Variants in RALGAPA2 observed in about 807,000 individuals in gnomAD.
The protein encoded by RALGAPA2 is Ral GTPase activating protein catalytic subunit alpha 2.
In RALGAPA2, 139 loss-of-function variants were observed where a neutral mutation model predicts 230.4. That is an observed-to-expected ratio of 0.60 (90% CI 0.53 to 0.69). The LOEUF (loss-of-function observed/expected upper bound fraction) is 0.69, where lower values mean the gene tolerates loss of function less well. RALGAPA2 is among the 30% of genes least tolerant of loss of function. The probability of loss-of-function intolerance (pLI) is 0.00; values close to 1 mark genes in which losing one functional copy is unlikely to be tolerated. For missense variants in RALGAPA2, 2,163 were observed against 2,276.0 expected (o/e 0.95, Z 1.01); for synonymous variants, 847 against 837.8 (o/e 1.01, Z -0.19).
intron 4 of RALGAPA2, among the ~76,000 whole-genome samples, chr20:20,648,804 C>CA (rs1238963836): frequency 6.6e-6 from 1 of 152,062 alleles, no homozygotes; most frequent in Non-Finnish European, 1.5e-5. Flanking sequence ...GTAAAAGGGA[C>CA]AGAGGTTTCC....
chr20:20,434,714 T>C (rs1293881297), intron 37 of RALGAPA2, among the ~76,000 whole-genome samples: 1 of 152,074 alleles, frequency 6.6e-6, no homozygotes, highest in Non-Finnish European at 1.5e-5. Flanking sequence ...TGCAGGAGTA[T>C]ATTTTGAACC....
chr20:20,620,211 C>T (rs567497900), intron 11 of RALGAPA2, among the ~76,000 whole-genome samples: 33 of 152,306 alleles, frequency 2.2e-4, no homozygotes, highest in Admixed American at 6.5e-4. Flanking sequence ...TCTCCTGCAA[C>T]AGTGACCAAC....
chr20:20,568,024 T>C (rs1267233033), intron 23 of RALGAPA2, among the ~76,000 whole-genome samples: 1 of 151,930 alleles, frequency 6.6e-6, no homozygotes, highest in African/African-American at 2.4e-5. Context: ...AAGAAATAAA[T>C]ACTCCTAAGC....
intron 10 of RALGAPA2, among the ~76,000 whole-genome samples, chr20:20,624,249 C>A (rs2066416578): frequency 2.0e-5 from 3 of 150,898 alleles, no homozygotes; most frequent in Admixed American, 2.0e-4. Flanking sequence ...ATCACTTGAA[C>A]CCGGGAGGTG....
rs1555833889 is a variant in RALGAPA2 at position 20,712,600 on chromosome 20, T to TGCTGCTGCC, written c.-121_-120insGGCAGCAGC. On this transcript the variant is annotated 5_prime_UTR_variant, in exon 1 of 40. Coordinates refer to ENST00000202677, the MANE Select transcript of RALGAPA2 (RefSeq NM_020343.4). This position sits in a 1 kb window ranked among gnomAD's most constrained non-coding sequence, Gnocchi z 5.5. Reference sequence around the variant, plus strand: ...GGCCACTCGCCGCCCCCAGCCCCGCTGCTGCCGCCGCCGCCGCCGCCGCCG... The same window carrying TGCTGCTGCC: ...GGCCACTCGCCGCCCCCAGCCCCGCTGCTGCTGCCGCTGCCGCCGCCGCCGCCGCCGCCG... 1.7e-6 allele frequency: 2 copies of TGCTGCTGCC among 1,161,700 alleles called. No individual in the cohort carries two copies. Among genetic ancestry groups the TGCTGCTGCC allele is most frequent in the African/African-American group, 3.3e-5 (2 of 60,418 alleles). 72.0% of individuals were successfully genotyped at this position (1,161,700 alleles called of 1,614,324 possible).
chr20:20,695,263 A>G (rs1256872557), intron 1 of RALGAPA2, among the ~76,000 whole-genome samples: 1 of 152,224 alleles, frequency 6.6e-6, no homozygotes, highest in Non-Finnish European at 1.5e-5. Flanking sequence ...ATGCCTTAGA[A>G]TGACCTAGTT....
intron 13 of RALGAPA2, among the ~76,000 whole-genome samples, chr20:20,615,155 G>A (rs1015481272): frequency 1.3e-5 from 2 of 151,538 alleles, no homozygotes; most frequent in Non-Finnish European, 2.9e-5. Flanking sequence ...ATGGAGTAAC[G>A]TGAGGACTTT....
At chr20:20,579,943 C>T (rs1407822857) in intron 20 of RALGAPA2, among the ~76,000 whole-genome samples, 1 of 152,124 alleles carries the variant, frequency 6.6e-6, no homozygotes, top group East Asian at 1.9e-4. Context: ...TCTATGATTA[C>T]AACTTTAAGT....
intron 24 of RALGAPA2, among the ~76,000 whole-genome samples, chr20:20,541,788 T>C (rs944154501): frequency 6.6e-6 from 1 of 152,196 alleles, no homozygotes; most frequent in African/African-American, 2.4e-5. Flanking sequence ...TAAGGCTACT[T>C]TAATAGCCCA....
intron 36 of RALGAPA2, among the ~76,000 whole-genome samples, chr20:20,480,122 G>C (rs1427122864): frequency 6.6e-6 from 1 of 152,230 alleles, no homozygotes; most frequent in East Asian, 1.9e-4. Context: ...TGGACTAGAA[G>C]ACTCAATATT....
rs543869553 is a variant in RALGAPA2, at chr20:20,705,350, C to T, written c.106+7025G>A. On this transcript the variant is annotated intron_variant, in intron 1 of 39. Coordinates refer to ENST00000202677, the MANE Select transcript of RALGAPA2 (RefSeq NM_020343.4). ...GCCTCCCGAGGAGCTGGGACCACAG[C>T]ACATGCAACCATACCCAGCTAATTT... is the stretch of plus-strand genomic sequence containing the variant. 3.3e-5 allele frequency among the ~76,000 whole-genome samples: 5 copies of T among 151,086 alleles called. No individual in the cohort carries two copies. In the East Asian group the frequency reaches 1.0e-3, roughly 30 times the overall value.
At chr20:20,400,233 G>T (rs545865003) in intron 38 of RALGAPA2, among the ~76,000 whole-genome samples, 1 of 152,226 alleles carries the variant, frequency 6.6e-6, no homozygotes, top group Non-Finnish European at 1.5e-5. Context: ...ATGGCCCAAG[G>T]ATGGCTTCCA....
At chr20:20,503,272 C>T in intron 35 of RALGAPA2, 79 bp downstream of exon 35, 6 of 1,265,052 alleles carry the variant, frequency 4.7e-6, no homozygotes, top group East Asian at 2.8e-5. Context: ...GTGCGTTCTA[C>T]CCTTGTATTT....
At chr20:20,577,301 C>T (rs1602902469) in intron 20 of RALGAPA2, among the ~76,000 whole-genome samples, 1 of 152,180 alleles carries the variant, frequency 6.6e-6, no homozygotes, top group African/African-American at 2.4e-5. Context: ...AATGGCTGCT[C>T]ACTATAATAA....
intron 37 of RALGAPA2, among the ~76,000 whole-genome samples, chr20:20,468,384 C>T (rs1332420445): frequency 1.3e-5 from 2 of 151,956 alleles, no homozygotes; most frequent in African/African-American, 4.8e-5. Flanking sequence ...TCAATGCAGC[C>T]CCTCTCCCCA....
chr20:20,487,062 T>A (rs534538603), intron 36 of RALGAPA2, among the ~76,000 whole-genome samples: 1 of 152,148 alleles, frequency 6.6e-6, no homozygotes, highest in African/African-American at 2.4e-5. Flanking sequence ...TCTGCCATAT[T>A]TGAGTCCGGT....
At chr20:20,543,728 C>T (rs1006447269) in intron 24 of RALGAPA2, among the ~76,000 whole-genome samples, 5 of 151,878 alleles carry the variant, frequency 3.3e-5, no homozygotes, top group African/African-American at 9.7e-5. Flanking sequence ...CACGGCCTGT[C>T]GTGGGGCGGG....
chr20:20,558,756 T>C (rs1240308050), intron 23 of RALGAPA2, among the ~76,000 whole-genome samples: 1 of 149,230 alleles, frequency 6.7e-6, no homozygotes, highest in African/African-American at 2.5e-5. Context: ...AGAGAACATA[T>C]ACCAGCTCTT....
chr20:20,453,813 T>C (rs1312595184), intron 37 of RALGAPA2, among the ~76,000 whole-genome samples: 1 of 152,214 alleles, frequency 6.6e-6, no homozygotes, highest in African/African-American at 2.4e-5. Context: ...AAATGGCCGA[T>C]GGGTATTTTG....
Sources: allele counts gnomAD v4.1 joint callset (sites outside exome capture counted in the v4.1 genomes callset), GRCh38; gene constraint gnomAD v4.1.1; non-coding constraint Gnocchi (gnomAD v3.1); transcripts MANE v1.5; gene names NCBI Gene and HGNC (gene_info 2026-07-23, HGNC 2026-07-21).